The following TEKT4 variants were observed in gnomAD, a reference collection of about 807,000 sequenced individuals.
The protein encoded by TEKT4 is tektin-4.
A neutral mutation model predicts 46.0 loss-of-function variants in TEKT4; 46 were observed. That is an observed-to-expected ratio of 1.00 (90% CI 0.79 to 1.28). TEKT4 has a LOEUF of 1.28. Ranked by LOEUF, TEKT4 falls within the 50% of genes most tolerant of loss-of-function variation. TEKT4 has a pLI of 0.00. For missense variants in TEKT4, 790 were observed against 622.9 expected, an observed-to-expected ratio of 1.27 and a Z score of -2.85; for synonymous variants, 325 against 265.8, an observed-to-expected ratio of 1.22 and a Z score of -2.17.
chr2:94,875,158 G>A lies in TEKT4; in HGVS notation c.936+160G>A, dbSNP rs557726344. On this transcript the variant is annotated intron_variant, in intron 4 of 5. Transcript: ENST00000295201. The stretch of plus-strand genomic sequence containing the variant: ...CAGGTGACACTGGGTATGATCGACC[G>A]GTGTTGCCACCCCTATGACTCAGCA... 1.6e-4 allele frequency among the ~76,000 whole-genome samples: 24 copies of A among 152,338 alleles called. No individual in the cohort carries two copies. In the East Asian group the frequency reaches 1.9e-3, roughly 12 times the overall value.
At chr2:94,872,524 G>A (rs1304122017) in intron 1 of TEKT4, 1 of 311,510 alleles carries the variant, frequency 3.2e-6, no homozygotes, top group Non-Finnish European at 6.3e-6. Context: ...TGCACCCACA[G>A]GTCCCCTCTC....
chr2:94,874,900 G>C lies in TEKT4; in HGVS notation c.838G>C (p.Asp280His), dbSNP rs1325509218. ...CTGCATCCTTCGCGACACCTCCGAG[G>C]ACCTGCGGCTCCAGTGCGACGCCGT... ...VDCILRDTSE[D>H]LRLQCDAVNL... The change falls in exon 4 of 6, where the codon GAC becomes CAC. Residue 280 changes from aspartate to histidine, a missense_variant. Physicochemically the swap from Asp to His is moderately conservative, Grantham distance 81 (BLOSUM62 -1). Coordinates refer to ENST00000295201, the MANE Select transcript of TEKT4 (RefSeq NM_144705.4). 12 of 1,611,938 alleles carry C rather than the reference G, an allele frequency of 7.4e-6. No homozygotes were observed. Among genetic ancestry groups the C allele is most frequent in the Middle Eastern group, 1.7e-4 (1 of 5,834 alleles).
rs781938796 is a variant in TEKT4 at position 94,873,661 on chromosome 2, C to T, written c.569+71C>T. On this transcript the variant is annotated intron_variant, in intron 2 of 5. Transcript: ENST00000295201. ...GCTGGTCCTGGGGCAAGGCATTGAA[C>T]GACAGGACCCTGAGACTCAGAGCCA... 191 of 1,584,764 alleles carry T rather than the reference C, an allele frequency of 1.2e-4. 1 individual carries two copies. Among genetic ancestry groups the T allele is most frequent in the African/African-American group, 2.3e-4 (17 of 74,244 alleles).
In TEKT4 at chr2:94,876,596, C is replaced by G. The variant is rs782777180; in HGVS notation, c.1135C>G (p.Leu379Val). Reference protein sequence around the residue: ...VEELNMSLTALREKLLEAEQS... With the variant: ...VEELNMSLTAVREKLLEAEQS... ...GGAGCTGAACATGTCCCTCACAGCACTGCGAGAGAAGCTTCTAGAAGCGGA... is the reference window on the plus strand; with the variant it reads ...GGAGCTGAACATGTCCCTCACAGCAGTGCGAGAGAAGCTTCTAGAAGCGGA... Residue 379 changes from leucine to valine, a missense_variant, in exon 6 of 6, where the codon CTG (leucine) becomes GTG (valine). Coordinates refer to ENST00000295201, the MANE Select transcript of TEKT4 (RefSeq NM_144705.4). 1 of 1,612,100 alleles carries G rather than the reference C, an allele frequency of 6.2e-7. No individual in the cohort carries two copies.
At position 94,873,843 on chromosome 2, in the gene TEKT4, C is replaced by T. The variant is rs551631436; in HGVS notation, c.570-122C>T. On this transcript the variant is annotated intron_variant, in intron 2 of 5. Transcript: ENST00000295201. Reference sequence around the variant, plus strand: ...GTCACTGCTGAGCACGAGGGCTGCCCGGGACAGGCCCACCCAGAACTCCCT... The same window carrying T: ...GTCACTGCTGAGCACGAGGGCTGCCTGGGACAGGCCCACCCAGAACTCCCT... 1.4e-4 allele frequency: 194 copies of T among 1,410,534 alleles called. 1 individual carries two copies. In the East Asian group the frequency reaches 2.9e-3, roughly 21 times the overall value. 87.4% of individuals were successfully genotyped at this position (1,410,534 alleles called of 1,614,324 possible).
rs1390999883 is a variant in TEKT4, at chr2:94,874,979, T to C, written c.917T>C (p.Leu306Pro). ...GAGCTGGAGGACGCGCGGTACAAGC[T>C]GCATCACCACCTGCACAAGGTGGGG... ...CEELEDARYK[L>P]HHHLHKTLRE... The change falls in exon 4 of 6, where the codon CTG becomes CCG. Residue 306 changes from leucine (L) to proline (P), a missense_variant. By Grantham distance (98) the Leu-to-Pro change is moderately conservative. Coordinates refer to ENST00000295201, the MANE Select transcript of TEKT4 (RefSeq NM_144705.4). 3.1e-6 allele frequency: 5 copies of C among 1,607,508 alleles called. No individual in the cohort carries two copies. The highest frequency in any genetic ancestry group is 4.2e-6 in the Non-Finnish European group (5 of 1,178,062).
At position 94,876,654 on chromosome 2, in the gene TEKT4, T is replaced by C. The variant is rs2104124923; in HGVS notation, c.1193T>C (p.Met398Thr). The C allele has an allele frequency of 6.2e-7, 1 of 1,613,420 alleles. No individual in the cohort carries two copies. The highest frequency in any genetic ancestry group is 1.1e-5 in the South Asian group (1 of 91,072). Reference protein sequence around the residue: ...QSLRNLEDIHMSLEKDIAAMT... With the variant: ...QSLRNLEDIHTSLEKDIAAMT... ...CTGCGCAACCTCGAGGACATCCACA[T>C]GAGCCTGGAGAAGGACATTGCCGCC... Residue 398 changes from methionine to threonine, a missense_variant, in exon 6 of 6, where the codon ATG (methionine) becomes ACG (threonine). Transcript: ENST00000295201.
chr2:94,874,967 C>T lies in TEKT4; in HGVS notation c.905C>T (p.Ala302Val), dbSNP rs372732539. 8.1e-5 allele frequency: 131 copies of T among 1,609,648 alleles called. 1 individual carries two copies. In the East Asian group the frequency reaches 1.1e-3, roughly 14 times the overall value. The part of the protein sequence containing the change: ...FGRRCEELED[A>V]RYKLHHHLHK... ...CGCCGCTGTGAGGAGCTGGAGGACG[C>T]GCGGTACAAGCTGCATCACCACCTG... The change falls in exon 4 of 6, where the codon GCG (alanine) becomes GTG (valine). Residue 302 changes from alanine (A) to valine (V), a missense_variant. By Grantham distance (64) the Ala-to-Val change is moderately conservative. Transcript: ENST00000295201.
rs782441814 is a variant in TEKT4 at position 94,874,818 on chromosome 2, T to C, written c.756T>C (p.Asn252=). ...CCCGGGCCAAGTTCACGCAGGACAA[T>C]CTGTGCCGTGCCCAGCGCGAGCGCC... ...PETRAKFTQD[N]LCRAQRERLA... Residue 252 remains asparagine (N), a synonymous_variant, in exon 4 of 6, where the codon AAT becomes AAC. Coordinates refer to ENST00000295201, the MANE Select transcript of TEKT4 (RefSeq NM_144705.4). 1.9e-6 allele frequency: 3 copies of C among 1,602,702 alleles called. No individual in the cohort carries two copies. In the South Asian group the frequency reaches 3.4e-5, roughly 18 times the overall value.
Position 94,871,954 on chromosome 2 carries a change from G to A in TEKT4, c.375G>A (p.Arg125=). 6.2e-7 allele frequency: 1 copy of A among 1,601,780 alleles called. No individual in the cohort carries two copies. The highest frequency in any genetic ancestry group is 8.5e-7 in the Non-Finnish European group (1 of 1,177,660). Residue 125 remains arginine, a synonymous_variant, in exon 1 of 6, where the codon CGG becomes CGA. Coordinates refer to ENST00000295201, the MANE Select transcript of TEKT4 (RefSeq NM_144705.4). The stretch of plus-strand genomic sequence containing the variant: ...ACTTGCTCCTGGCCCAGAAGCAACG[G>A]CTGGAGCGCGCCCTGGACGCCACAG... The part of the protein sequence containing the change: ...ETNLLLAQKQ[R]LERALDATEV...
Position 94,874,364 on chromosome 2 carries a change from C to T in TEKT4, c.713+256C>T, listed in dbSNP as rs144296137. ...CCAGGCGCTGGCAGGATTGCGTTTC[C>T]GCCCAAGGCCAGCAGAGGGAGCCTG... On this transcript the variant is annotated intron_variant, in intron 3 of 5. Transcript: ENST00000295201. Among the ~76,000 whole-genome samples the T allele has an allele frequency of 1.9e-3, 284 of 152,260 alleles. 2 individuals are homozygous for T. The highest frequency in any genetic ancestry group is 6.3e-3 in the African/African-American group (260 of 41,562).
In TEKT4 at chr2:94,876,652, CAT is replaced by C. The variant is rs1225344964; in HGVS notation, c.1192_1193del (p.Met398GlufsTer?). The C allele has an allele frequency of 1.1e-5, 18 of 1,613,350 alleles. No individual in the cohort carries two copies. Among genetic ancestry groups the C allele is most frequent in the African/African-American group, 2.7e-5 (2 of 74,942 alleles). On this transcript the variant is annotated frameshift_variant, in exon 6 of 6. Coordinates refer to ENST00000295201, the MANE Select transcript of TEKT4 (RefSeq NM_144705.4). LOFTEE classifies it high-confidence loss of function. ...QSLRNLEDIH[M>X]SLEKDIAAMT... Reference sequence around the variant, plus strand: ...CCCTGCGCAACCTCGAGGACATCCACATGAGCCTGGAGAAGGACATTGCCGCC... The same window carrying C: ...CCCTGCGCAACCTCGAGGACATCCACGAGCCTGGAGAAGGACATTGCCGCC...
intron 4 of TEKT4, among the ~76,000 whole-genome samples, chr2:94,875,367 G>C (rs1553396101): frequency 6.6e-6 from 1 of 152,196 alleles, no homozygotes; most frequent in Admixed American, 6.5e-5. Context: ...CAAGGATGGG[G>C]GTTCTTGGAC....
Position 94,876,661 on chromosome 2 carries a change from G to A in TEKT4, c.1200G>A (p.Leu400=). 3 of 1,613,432 alleles carry A rather than the reference G, an allele frequency of 1.9e-6. No individual in the cohort carries two copies. Among genetic ancestry groups the A allele is most frequent in the Non-Finnish European group, 2.5e-6 (3 of 1,180,008 alleles). The change falls in exon 6 of 6, where the codon CTG becomes CTA. Residue 400 remains leucine, a synonymous_variant. Coordinates refer to ENST00000295201, the MANE Select transcript of TEKT4 (RefSeq NM_144705.4). ...ACCTCGAGGACATCCACATGAGCCTGGAGAAGGACATTGCCGCCATGACCA... is the reference window on the plus strand; with the variant it reads ...ACCTCGAGGACATCCACATGAGCCTAGAGAAGGACATTGCCGCCATGACCA... ...LRNLEDIHMS[L]EKDIAAMTNS... is the part of the protein sequence containing the mutation.
rs142133592 is a variant in TEKT4 at position 94,876,671 on chromosome 2, A to G, written c.1210A>G (p.Ile404Val). Reference protein sequence around the residue: ...EDIHMSLEKDIAAMTNSLFID... With the variant: ...EDIHMSLEKDVAAMTNSLFID... The stretch of plus-strand genomic sequence containing the variant: ...CATCCACATGAGCCTGGAGAAGGAC[A>G]TTGCCGCCATGACCAACAGTCTCTT... Residue 404 changes from isoleucine (I) to valine (V), a missense_variant, in exon 6 of 6, where the codon ATT (isoleucine) becomes GTT (valine). Ile to Val is a conservative substitution (Grantham distance 29). Coordinates refer to ENST00000295201, the MANE Select transcript of TEKT4 (RefSeq NM_144705.4). The G allele has an allele frequency of 3.1e-6, 5 of 1,613,448 alleles. No homozygotes were observed. Among genetic ancestry groups the G allele is most frequent in the Non-Finnish European group, 3.4e-6 (4 of 1,180,004 alleles).
At chr2:94,873,109 C>G in intron 1 of TEKT4, 1 of 1,241,400 alleles carries the variant, frequency 8.1e-7, no homozygotes, top group Non-Finnish European at 1.0e-6. Context: ...GTGAAGATGG[C>G]CTTTCCCAGC....
intron 5 of TEKT4, 45 bp from the exon 6 acceptor site, chr2:94,876,508 T>C: frequency 6.5e-7 from 1 of 1,545,714 alleles, no homozygotes; most frequent in Non-Finnish European, 8.7e-7. Context: ...AGGTGCATAC[T>C]TCTGCCCTCC....
In TEKT4 at chr2:94,876,618, C is replaced by T. The variant is rs112631866; in HGVS notation, c.1157C>T (p.Ala386Val). The change falls in exon 6 of 6, where the codon GCG becomes GTG. Residue 386 changes from alanine to valine, a missense_variant. Transcript: ENST00000295201. ...LTALREKLLE[A>V]EQSLRNLEDI... is the part of the protein sequence containing the mutation. ...GCACTGCGAGAGAAGCTTCTAGAAG[C>T]GGAGCAGTCCCTGCGCAACCTCGAG... 1.5e-4 allele frequency: 249 copies of T among 1,612,636 alleles called. No individual in the cohort carries two copies. The highest frequency in any genetic ancestry group is 1.9e-4 in the Non-Finnish European group (229 of 1,179,808).
chr2:94,871,791 A>C lies in TEKT4; in HGVS notation c.212A>C (p.Gln71Pro). ...QSERQRHESQ[Q>P]LATETQALAQ... is the part of the protein sequence containing the mutation. The stretch of plus-strand genomic sequence containing the variant: ...GAGCGGCAGCGGCACGAGAGCCAGC[A>C]GCTGGCCACAGAGACCCAGGCGCTG... The change falls in exon 1 of 6, where the codon CAG (glutamine) becomes CCG (proline). Residue 71 changes from glutamine (Q) to proline (P), a missense_variant. Gln to Pro is a moderately conservative substitution (Grantham distance 76). Transcript: ENST00000295201. 6.2e-7 allele frequency: 1 copy of C among 1,610,926 alleles called. No individual in the cohort carries two copies. The highest frequency in any genetic ancestry group is 1.3e-5 in the African/African-American group (1 of 75,042).
Sources: allele counts gnomAD v4.1 joint callset (sites outside exome capture counted in the v4.1 genomes callset), GRCh38; gene constraint gnomAD v4.1.1; transcripts MANE v1.5; gene names NCBI Gene and HGNC (gene_info 2026-07-23, HGNC 2026-07-21).